CREB5: variants seen among roughly 807,000 people sequenced by gnomAD.
The protein encoded by CREB5 is cAMP responsive element binding protein 5, also known as cyclic AMP-responsive element-binding protein 5.
CREB5 carries 19 observed loss-of-function variants against 57.1 expected under a neutral mutation model. The ratio of observed to expected loss-of-function variants is 0.33; its 90% CI spans 0.23 to 0.49. The LOEUF (loss-of-function observed/expected upper bound fraction) is 0.49, where lower values mean the gene tolerates loss of function less well. Among genes scored for constraint, CREB5 ranks in the 20% least tolerant of loss-of-function variants. CREB5 has a pLI of 0.99. For missense variants in CREB5, 579 were observed against 671.6 expected (o/e 0.86, Z 1.52); for synonymous variants, 238 against 238.3 (o/e 1.00, Z 0.01).
At chr7:28,509,324 A>G (rs1395754880) in intron 4 of CREB5, among the ~76,000 whole-genome samples, 1 of 152,226 alleles carries the variant, frequency 6.6e-6, no homozygotes, top group Non-Finnish European at 1.5e-5. Context: ...TGCATTATTC[A>G]TGATTTCTTA....
chr7:28,809,475 GC>G (rs953008092), intron 9 of CREB5, 61 bp downstream of exon 9: 2 of 1,450,896 alleles, frequency 1.4e-6, no homozygotes, highest in African/African-American at 2.8e-5. Context: ...GGCATTTCCG[GC>G]CCTGACAGGC....
At position 28,804,495 on chromosome 7, in the gene CREB5, G is replaced by A. The variant is rs61736232; in HGVS notation, c.999G>A (p.Pro333=). 1,223 of 1,613,634 alleles carry A rather than the reference G, an allele frequency of 7.6e-4. 17 individuals are homozygous for A. The highest frequency in any genetic ancestry group is 4.9e-4 in the Middle Eastern group (3 of 6,082). ...HPAHHQTSPH[P]PLHTGNQAQV... ...CACATCACCAGACCTCGCCACATCCGCCCCTGCACACCGGCAACCAAGCAC... is the reference window on the plus strand; with the variant it reads ...CACATCACCAGACCTCGCCACATCCACCCCTGCACACCGGCAACCAAGCAC... The change falls in exon 8 of 11, where the codon CCG becomes CCA. Residue 333 remains proline (P), a synonymous_variant. Coordinates refer to ENST00000357727, the MANE Select transcript of CREB5 (RefSeq NM_182898.4).
chr7:28,775,980 T>G (rs1224764603), intron 7 of CREB5, among the ~76,000 whole-genome samples: 1 of 152,204 alleles, frequency 6.6e-6, no homozygotes, highest in African/African-American at 2.4e-5. Context: ...CTGCCCCGTG[T>G]GCACAGCAAA....
chr7:28,317,785 A>T (rs1785411015), intron 1 of CREB5, among the ~76,000 whole-genome samples: 1 of 152,214 alleles, frequency 6.6e-6, no homozygotes, highest in Non-Finnish European at 1.5e-5. Context: ...TGTTCCGTAC[A>T]TGTCAGGCTA....
intron 1 of CREB5, among the ~76,000 whole-genome samples, chr7:28,365,245 C>G (rs950992095): frequency 5.3e-5 from 8 of 152,120 alleles, no homozygotes; most frequent in African/African-American, 1.4e-4. Flanking sequence ...ATTCCTTACC[C>G]CTACAACATT....
At chr7:28,642,480 C>A (rs139039922) in intron 5 of CREB5, among the ~76,000 whole-genome samples, 1 of 152,178 alleles carries the variant, frequency 6.6e-6, no homozygotes, top group Non-Finnish European at 1.5e-5. Context: ...TTACCAACTT[C>A]GTTTTTACTT....
chr7:28,404,738 A>G (rs968705473), intron 1 of CREB5, among the ~76,000 whole-genome samples: 2 of 152,168 alleles, frequency 1.3e-5, no homozygotes, highest in Non-Finnish European at 2.9e-5. Flanking sequence ...GCTTTTGATT[A>G]ACCAGGCACA....
chr7:28,669,355 G>T (rs1225071686), intron 5 of CREB5, among the ~76,000 whole-genome samples: 1 of 152,174 alleles, frequency 6.6e-6, no homozygotes, highest in Non-Finnish European at 1.5e-5. Context: ...TTGAGCAAGG[G>T]AATAAAATGA....
chr7:28,728,370 C>G (rs1478945671), intron 7 of CREB5, among the ~76,000 whole-genome samples: 2 of 152,148 alleles, frequency 1.3e-5, no homozygotes, highest in Non-Finnish European at 2.9e-5. Context: ...CAACATTGAT[C>G]CTTTGGATAA....
At chr7:28,663,601 G>A (rs1799697256) in intron 5 of CREB5, among the ~76,000 whole-genome samples, 1 of 152,108 alleles carries the variant, frequency 6.6e-6, no homozygotes, top group Admixed American at 6.6e-5. Context: ...TTTGCCAGTT[G>A]GAACCATCTC....
At chr7:28,781,154 C>T (rs1806949023) in intron 7 of CREB5, among the ~76,000 whole-genome samples, 1 of 152,212 alleles carries the variant, frequency 6.6e-6, no homozygotes, top group South Asian at 2.1e-4. Flanking sequence ...GCAACAGACA[C>T]TCTGGAGGAT....
intron 5 of CREB5, among the ~76,000 whole-genome samples, chr7:28,599,634 T>G (rs1583689742): frequency 6.6e-6 from 1 of 152,252 alleles, no homozygotes; most frequent in Non-Finnish European, 1.5e-5. Context: ...CGCATAGCTC[T>G]GCACTGCTGC....
intron 1 of CREB5, among the ~76,000 whole-genome samples, chr7:28,360,580 G>T (rs12700886): frequency 0.45 from 67,778 of 151,804 alleles, 15,223 homozygotes; most frequent in East Asian, 0.53. Context: ...GGGGAAATAG[G>T]GAGATGTGGT....
intron 1 of CREB5, among the ~76,000 whole-genome samples, chr7:28,377,628 A>G (rs932555372): frequency 6.6e-6 from 1 of 152,042 alleles, no homozygotes. Flanking sequence ...TATTTAACAT[A>G]ATTTCCTTCA....
At chr7:28,506,022 T>G (rs1352441169) in intron 3 of CREB5, among the ~76,000 whole-genome samples, 1 of 152,190 alleles carries the variant, frequency 6.6e-6, no homozygotes, top group Non-Finnish European at 1.5e-5. Flanking sequence ...CTCTGTGAAA[T>G]GCAAGGAGCT....
chr7:28,519,656 A>G (rs1793123679), intron 4 of CREB5, among the ~76,000 whole-genome samples: 1 of 152,176 alleles, frequency 6.6e-6, no homozygotes, highest in Admixed American at 6.5e-5. Context: ...GGAGAGAGGC[A>G]CTACTTTGAC....
intron 1 of CREB5, among the ~76,000 whole-genome samples, chr7:28,432,513 A>C (rs147052637): frequency 1.3e-5 from 2 of 152,216 alleles, no homozygotes; most frequent in Non-Finnish European, 2.9e-5. Flanking sequence ...TTTCCTCCAA[A>C]TTTCCCTTGA....
intron 5 of CREB5, among the ~76,000 whole-genome samples, chr7:28,705,325 A>G (rs1257604215): frequency 6.7e-6 from 1 of 149,404 alleles, no homozygotes; most frequent in East Asian, 2.0e-4. Context: ...ATCACTCACC[A>G]CTGCACTCCA....
chr7:28,411,502 G>T (rs1787799410), upstream of CREB5, among the ~76,000 whole-genome samples: 1 of 132,476 alleles, frequency 7.5e-6, no homozygotes, highest in Non-Finnish European at 1.5e-5. Flanking sequence ...TTGAAATAAA[G>T]ACCCTGTGTA....
Sources: gnomAD v4.1 joint callset for allele counts (sites outside exome capture counted in the v4.1 genomes callset) on GRCh38, gnomAD v4.1.1 for gene constraint, MANE v1.5 for transcripts, NCBI Gene and HGNC (gene_info 2026-07-23, HGNC 2026-07-21) for gene names.